AAGAB: variants seen among roughly 807,000 people sequenced by gnomAD.
AAGAB encodes the protein alpha- and gamma-adaptin-binding protein p34.
A neutral mutation model predicts 44.1 loss-of-function variants in AAGAB; 38 were observed. That is an observed-to-expected ratio of 0.86 (90% CI 0.67 to 1.13). The LOEUF (loss-of-function observed/expected upper bound fraction) is 1.13. Among genes scored for constraint, AAGAB ranks in the 50% most tolerant of loss-of-function variants. AAGAB has a pLI of 0.00. For synonymous variants in AAGAB, 131 were observed against 131.8 expected, an observed-to-expected ratio of 0.99 and a Z score of 0.04; for missense variants, 450 against 373.8, an observed-to-expected ratio of 1.20 and a Z score of -1.68.
chr15:67,223,680 T>C (rs977522967), intron 5 of AAGAB, among the ~76,000 whole-genome samples: 3 of 152,208 alleles, frequency 2.0e-5, no homozygotes, highest in Admixed American at 1.3e-4. Flanking sequence ...AGTGATCTTT[T>C]TAGACTTTGT....
chr15:67,212,275 A>G (rs935838028), intron 5 of AAGAB, among the ~76,000 whole-genome samples: 1 of 152,066 alleles, frequency 6.6e-6, no homozygotes, highest in Non-Finnish European at 1.5e-5. Flanking sequence ...TATACTGTAA[A>G]CCTTTAATTT....
intron 5 of AAGAB, among the ~76,000 whole-genome samples, chr15:67,210,528 A>T (rs1425843657): frequency 6.6e-6 from 1 of 152,018 alleles, no homozygotes; most frequent in Non-Finnish European, 1.5e-5. Context: ...AAAAAAAAAA[A>T]AGAAAAGAAA....
intron 5 of AAGAB, among the ~76,000 whole-genome samples, chr15:67,227,702 A>G (rs1164489965): frequency 1.3e-5 from 2 of 152,182 alleles, no homozygotes. Flanking sequence ...ACAGCATAGG[A>G]GGTAGGTTAC....
Position 67,200,977 on chromosome 15 carries a change from C to T in AAGAB, c.*1844G>A, listed in dbSNP as rs1382803892. On this transcript the variant is annotated 3_prime_UTR_variant, in exon 10 of 10. Coordinates refer to ENST00000261880, the MANE Select transcript of AAGAB (RefSeq NM_024666.5). ...TGAAGGATATAGGGCTTCCCTCACT[C>T]ATACCCCCTAATAAAAAACCACAAA... 6.6e-6 allele frequency: 1 copy of T among 152,362 alleles called. No individual in the cohort carries two copies. 9.4% of individuals were successfully genotyped at this position (152,362 alleles called of 1,614,324 possible).
intron 5 of AAGAB, among the ~76,000 whole-genome samples, chr15:67,225,517 T>G (rs1366963845): frequency 6.6e-6 from 1 of 152,088 alleles, no homozygotes; most frequent in Non-Finnish European, 1.5e-5. Flanking sequence ...TCCAGAACAT[T>G]TTCACCACCC....
chr15:67,213,987 T>G (rs973359777), intron 5 of AAGAB, among the ~76,000 whole-genome samples: 11 of 152,344 alleles, frequency 7.2e-5, no homozygotes, highest in South Asian at 6.2e-4. Flanking sequence ...TTAGGTAACT[T>G]ATCCAAAGTC....
At chr15:67,232,506 A>G in intron 4 of AAGAB, 1 of 356,882 alleles carries the variant, frequency 2.8e-6, no homozygotes, top group Non-Finnish European at 5.6e-6. Context: ...ACTTCAGTGA[A>G]AACAAATGGT....
intron 5 of AAGAB, 89 bp from the exon 6 acceptor site, chr15:67,209,633 T>C (rs1963766029): frequency 2.8e-6 from 3 of 1,069,664 alleles, no homozygotes; most frequent in African/African-American, 3.2e-5. Flanking sequence ...GGCTACTTAT[T>C]TGTTACCAAA....
Position 67,236,016 on chromosome 15 carries a change from C to G in AAGAB, c.414G>C (p.Leu138Phe), listed in dbSNP as rs1194411452. The change falls in exon 4 of 10, where the codon TTG becomes TTC. Residue 138 changes from leucine (L) to phenylalanine (F), a missense_variant. Physicochemically the swap from Leu to Phe is conservative, Grantham distance 22. Transcript: ENST00000261880. ...GCAACTCCTCTGGACTAAGTTCTAC[C>G]AATTCAAAGCCATGTTTGATGCACC... is the stretch of plus-strand genomic sequence containing the variant. The part of the protein sequence containing the change: ...QEWCIKHGFE[L>F]VELSPEELPE... The G allele has an allele frequency of 6.2e-7, 1 of 1,613,502 alleles. No homozygotes were observed. The highest frequency in any genetic ancestry group is 8.5e-7 in the Non-Finnish European group (1 of 1,179,736).
Position 67,208,718 on chromosome 15 carries a change from C to T in AAGAB, c.619-60G>A. On this transcript the variant is annotated intron_variant, in intron 6 of 9. Coordinates refer to ENST00000261880, the MANE Select transcript of AAGAB (RefSeq NM_024666.5). Reference sequence around the variant, plus strand: ...TCGTAGTCTATTTCAGAACTAAATCCAAAAAAGCTCACACTTTCAGTCCTT... The same window carrying T: ...TCGTAGTCTATTTCAGAACTAAATCTAAAAAAGCTCACACTTTCAGTCCTT... 3 of 1,462,232 alleles carry T rather than the reference C, an allele frequency of 2.1e-6. No homozygotes were observed. The South Asian group carries it at 3.5e-5, about 17-fold the overall frequency. 90.6% of individuals were successfully genotyped at this position (1,462,232 alleles called of 1,614,324 possible). A position where few individuals can be genotyped will look rare whatever the true frequency, so the allele number is the denominator to read the frequency against.
At chr15:67,222,282 A>ACACACACACACACACACACACACACACAC (rs796412643) in intron 5 of AAGAB, among the ~76,000 whole-genome samples, 3 of 139,846 alleles carry the variant, frequency 2.1e-5, no homozygotes, top group Admixed American at 7.4e-5. Flanking sequence ...ACACACACAC[A>ACACACACACACACACACACACACACACAC]CCCTCCACCC....
At chr15:67,207,185 A>G (rs1963704685) in intron 7 of AAGAB, among the ~76,000 whole-genome samples, 1 of 152,240 alleles carries the variant, frequency 6.6e-6, no homozygotes, top group African/African-American at 2.4e-5. Flanking sequence ...GCGAAACTCC[A>G]TCTCAAACAA....
intron 9 of AAGAB, 137 bp from the exon 10 acceptor site, chr15:67,203,035 T>C (rs554791436): frequency 4.2e-6 from 3 of 721,938 alleles, no homozygotes; most frequent in East Asian, 2.6e-5. Context: ...ATCAGAACCC[T>C]TGAATACCAT....
intron 4 of AAGAB, 31 bp downstream of exon 4, chr15:67,235,948 C>G (rs1249269140): frequency 2.8e-6 from 4 of 1,421,118 alleles, no homozygotes; most frequent in Non-Finnish European, 3.9e-6. Context: ...TATCTAAGTG[C>G]CATATTTTCT....
At chr15:67,244,926 A>C (rs774435697) in intron 1 of AAGAB, among the ~76,000 whole-genome samples, 9 of 152,218 alleles carry the variant, frequency 5.9e-5, no homozygotes, top group African/African-American at 1.7e-4. Context: ...TGAGTTATTA[A>C]GGAAATGCAA....
Position 67,210,151 on chromosome 15 carries a change from T to G in AAGAB, c.536-607A>C, listed in dbSNP as rs887004644. 7.2e-5 allele frequency among the ~76,000 whole-genome samples: 11 copies of G among 152,270 alleles called. No individual in the cohort carries two copies. The South Asian group carries it at 8.3e-4, about 11-fold the overall frequency. On this transcript the variant is annotated intron_variant, in intron 5 of 9. Transcript: ENST00000261880. ...ATTGTTTTAAATAATCAAAAACATT[T>G]AAAAAATCAACACCAAGGCATTCAT...
intron 1 of AAGAB, 37 bp downstream of exon 1, chr15:67,254,522 G>T: frequency 6.4e-7 from 1 of 1,574,530 alleles, no homozygotes; most frequent in Non-Finnish European, 8.6e-7. Context: ...TGAGGCTCAG[G>T]GGCCTTGGAG....
chr15:67,244,720 C>T (rs550603165), intron 1 of AAGAB, among the ~76,000 whole-genome samples: 158 of 152,068 alleles, frequency 1.0e-3, no homozygotes, highest in Non-Finnish European at 1.9e-3. Context: ...ACAAGAATTG[C>T]TTGAACCCCA....
At chr15:67,234,443 C>T (rs1208327233) in intron 4 of AAGAB, among the ~76,000 whole-genome samples, 1 of 152,008 alleles carries the variant, frequency 6.6e-6, no homozygotes, top group East Asian at 1.9e-4. Context: ...AAATGAAGAG[C>T]TAGTACCAGT....
Sources: gnomAD v4.1 joint callset for allele counts (sites outside exome capture counted in the v4.1 genomes callset) on GRCh38, gnomAD v4.1.1 for gene constraint, MANE v1.5 for transcripts, NCBI Gene and HGNC (gene_info 2026-07-23, HGNC 2026-07-21) for gene names.